The following VCL variants were observed in gnomAD, a reference collection of about 807,000 sequenced individuals.
VCL encodes the protein vinculin.
In VCL, 47 loss-of-function variants were observed where a neutral mutation model predicts 125.7. The observed-to-expected ratio is 0.37, with a 90% CI of 0.30 to 0.48. The LOEUF (loss-of-function observed/expected upper bound fraction) is 0.48. VCL is among the 20% of genes least tolerant of loss of function. The probability of loss-of-function intolerance (pLI) is 0.99; values close to 1 mark genes in which losing one functional copy is unlikely to be tolerated. For missense variants in VCL, 1,069 were observed against 1,455.5 expected (o/e 0.73, Z 4.32); for synonymous variants, 458 against 514.6 (o/e 0.89, Z 1.49).
intron 2 of VCL, among the ~76,000 whole-genome samples, chr10:74,065,137 CTT>C (rs756851934): frequency 3.0e-5 from 4 of 133,364 alleles, no homozygotes; most frequent in Admixed American, 1.5e-4. Context: ...AATCCCAGCA[CTT>C]TTTTTTTTTT....
In VCL at chr10:74,111,945, G is replaced by A. The variant is rs1840228218; in HGVS notation, c.2782G>A (p.Val928Ile). 6.2e-7 allele frequency: 1 copy of A among 1,614,242 alleles called. No individual in the cohort carries two copies. Among genetic ancestry groups the A allele is most frequent in the Non-Finnish European group, 8.5e-7 (1 of 1,180,038 alleles). ...IPAAEVGIGV[V>I]AEADAADAAG... The stretch of plus-strand genomic sequence containing the variant: ...AGCCGCTGAGGTGGGTATAGGTGTT[G>A]TAGCTGAGGCAGATGCGGCCGATGC... The change falls in exon 19 of 22, where the codon GTA (valine) becomes ATA (isoleucine). Residue 928 changes from valine to isoleucine, a missense_variant. Val to Ile is a conservative substitution (Grantham distance 29, BLOSUM62 3). Transcript: ENST00000211998.
chr10:74,003,228 T>G (rs1039628975), intron 1 of VCL, among the ~76,000 whole-genome samples: 1 of 151,900 alleles, frequency 6.6e-6, no homozygotes, highest in African/African-American at 2.4e-5. Flanking sequence ...ATGTACCACT[T>G]AAAACTCTAT....
intron 1 of VCL, among the ~76,000 whole-genome samples, chr10:74,003,421 G>C (rs1219475676): frequency 6.6e-6 from 1 of 152,150 alleles, no homozygotes; most frequent in African/African-American, 2.4e-5. Flanking sequence ...TTGTAGCATG[G>C]TATATAAATT....
intron 1 of VCL, among the ~76,000 whole-genome samples, chr10:74,028,689 G>A (rs911677238): frequency 6.7e-6 from 1 of 148,294 alleles, no homozygotes; most frequent in Non-Finnish European, 1.5e-5. Flanking sequence ...GAGCTATGGC[G>A]CCTGGCAAGT....
At position 74,118,387 on chromosome 10, in the gene VCL, C is replaced by A; in HGVS notation, c.*218C>A. The A allele has an allele frequency of 1.6e-6, 1 of 619,186 alleles. No homozygotes were observed. The highest frequency in any genetic ancestry group is 2.8e-6 in the Non-Finnish European group (1 of 352,792). The allele number at this position is 619,186 out of a possible 1,614,324, so 38.4% of individuals were successfully genotyped here. A position where few individuals can be genotyped will look rare whatever the true frequency, so the allele number is the denominator to read the frequency against. ...TCTGTATAAAGCCTGTATTCTCAAA[C>A]ACAGTTACACTTGTGCACCCTCTAT... On this transcript the variant is annotated 3_prime_UTR_variant, in exon 22 of 22. Transcript: ENST00000211998.
chr10:74,059,551 T>C (rs370874744), intron 2 of VCL, among the ~76,000 whole-genome samples: 28 of 152,182 alleles, frequency 1.8e-4, no homozygotes, highest in Admixed American at 3.9e-4. Context: ...ATTACAGGCA[T>C]GTGCCACCAC....
intron 15 of VCL, 67 bp downstream of exon 15, chr10:74,103,995 G>A (rs1840096101): frequency 9.6e-6 from 14 of 1,462,724 alleles, no homozygotes; most frequent in Middle Eastern, 1.8e-4. Context: ...ATTGGAGCGG[G>A]ACTGGTTCTG....
chr10:74,009,652 C>G lies in VCL; in HGVS notation c.168+11277C>G, dbSNP rs534112189. On this transcript the variant is annotated intron_variant, in intron 1 of 21. Coordinates refer to ENST00000211998, the MANE Select transcript of VCL (RefSeq NM_014000.3). ...TATTATTTTGAGACAGAGTCTCACTCTGTTGCCCAGGCTATGGCATGATCT... is the reference window on the plus strand; with the variant it reads ...TATTATTTTGAGACAGAGTCTCACTGTGTTGCCCAGGCTATGGCATGATCT... Among the ~76,000 whole-genome samples the G allele has an allele frequency of 6.6e-5, 10 of 152,230 alleles. No individual in the cohort carries two copies. The East Asian group carries it at 1.7e-3, about 26-fold the overall frequency.
chr10:74,065,595 G>A (rs996269488), intron 2 of VCL, among the ~76,000 whole-genome samples: 6 of 151,810 alleles, frequency 4.0e-5, no homozygotes, highest in Admixed American at 3.3e-4. Context: ...AGAGGCTGAG[G>A]TGGGAGGTGA....
intron 1 of VCL, among the ~76,000 whole-genome samples, chr10:74,013,758 G>A (rs961727870): frequency 6.6e-6 from 1 of 152,126 alleles, no homozygotes; most frequent in East Asian, 1.9e-4. Context: ...TGTTGTGTGG[G>A]TTAAATTAGT....
chr10:74,014,559 A>G (rs893744749), intron 1 of VCL, among the ~76,000 whole-genome samples: 1 of 151,958 alleles, frequency 6.6e-6, no homozygotes, highest in African/African-American at 2.4e-5. Flanking sequence ...TTAAAAAAAA[A>G]AAAAAAGAAA....
chr10:74,036,143 C>G (rs752362268), intron 1 of VCL, among the ~76,000 whole-genome samples: 42 of 151,974 alleles, frequency 2.8e-4, no homozygotes, highest in Non-Finnish European at 2.1e-4. Context: ...AAATACTGAC[C>G]CAGAGAAAGC....
chr10:74,058,890 G>GGTGTGT (rs148608729), intron 2 of VCL, among the ~76,000 whole-genome samples: 4 of 150,838 alleles, frequency 2.7e-5, no homozygotes, highest in African/African-American at 7.3e-5. Context: ...TCACAGAAAG[G>GGTGTGT]GTGTGTGTGT....
intron 2 of VCL, among the ~76,000 whole-genome samples, chr10:74,069,569 C>T (rs575362274): frequency 1.5e-4 from 23 of 152,198 alleles, no homozygotes; most frequent in African/African-American, 5.3e-4. Context: ...TCAAAAGAAC[C>T]TGGTGAGATA....
At chr10:74,042,648 C>G (rs1458545320) in intron 1 of VCL, among the ~76,000 whole-genome samples, 1 of 152,164 alleles carries the variant, frequency 6.6e-6, no homozygotes, top group Non-Finnish European at 1.5e-5. Context: ...GTGTCAGAAT[C>G]ATAATAGCTT....
chr10:74,067,489 G>T (rs1452967070), intron 2 of VCL, among the ~76,000 whole-genome samples: 1 of 152,038 alleles, frequency 6.6e-6, no homozygotes, highest in Non-Finnish European at 1.5e-5. Context: ...ATCAAACATG[G>T]AATTACTATA....
intron 1 of VCL, among the ~76,000 whole-genome samples, chr10:74,031,687 C>T (rs997697635): frequency 2.0e-5 from 3 of 151,794 alleles, no homozygotes; most frequent in Admixed American, 6.6e-5. Flanking sequence ...TGGGAGGCCC[C>T]GCAGGCAGAT....
intron 13 of VCL, among the ~76,000 whole-genome samples, chr10:74,098,960 C>T (rs546051362): frequency 6.6e-6 from 1 of 152,240 alleles, no homozygotes; most frequent in African/African-American, 2.4e-5. Context: ...TTTCCCTTCC[C>T]CACACCCGTT....
Position 74,102,517 on chromosome 10 carries a change from G to A in VCL, c.2023-1303G>A, listed in dbSNP as rs778131483. Among the ~76,000 whole-genome samples, 11 of 152,108 alleles carry A rather than the reference G, an allele frequency of 7.2e-5. 1 individual carries two copies. In the South Asian group the frequency reaches 1.9e-3, roughly 26 times the overall value. On this transcript the variant is annotated intron_variant, in intron 14 of 21. Coordinates refer to ENST00000211998, the MANE Select transcript of VCL (RefSeq NM_014000.3). The stretch of plus-strand genomic sequence containing the variant: ...TTTACTGAGTGCCTATGATACATTC[G>A]AAACTATGCTAGGCTTTATAAATTT...
Sources: gnomAD v4.1 joint callset for allele counts (sites outside exome capture counted in the v4.1 genomes callset) on GRCh38, gnomAD v4.1.1 for gene constraint, MANE v1.5 for transcripts, NCBI Gene and HGNC (gene_info 2026-07-23, HGNC 2026-07-21) for gene names.